The following SLC30A6 variants were observed in gnomAD, a reference collection of about 807,000 sequenced individuals.
SLC30A6 encodes solute carrier family 30 member 6, also known as zinc transporter 6.
A neutral mutation model predicts 63.0 loss-of-function variants in SLC30A6; 55 were observed. That is an observed-to-expected ratio of 0.87 (90% CI 0.70 to 1.09). The LOEUF (loss-of-function observed/expected upper bound fraction) is 1.09. SLC30A6 is among the 50% of genes least tolerant of loss of function. The probability of loss-of-function intolerance (pLI) is 0.00; values close to 1 mark genes in which losing one functional copy is unlikely to be tolerated. For synonymous variants in SLC30A6, 224 were observed against 186.1 expected, an observed-to-expected ratio of 1.20 and a Z score of -1.66; for missense variants, 587 against 549.2, an observed-to-expected ratio of 1.07 and a Z score of -0.69.
At chr2:32,190,705 A>C (rs1426953823) in intron 5 of SLC30A6, among the ~76,000 whole-genome samples, 1 of 151,922 alleles carries the variant, frequency 6.6e-6, no homozygotes. Flanking sequence ...GCTCACTTCA[A>C]CCTCCATCTC....
intron 10 of SLC30A6, among the ~76,000 whole-genome samples, chr2:32,200,607 A>G (rs1171659562): frequency 4.6e-5 from 7 of 151,058 alleles, no homozygotes; most frequent in Non-Finnish European, 7.4e-5. Context: ...GGTTAAATGG[A>G]TTAAGGGCGG....
intron 12 of SLC30A6, among the ~76,000 whole-genome samples, chr2:32,207,626 C>T (rs751279421): frequency 5.0e-4 from 76 of 151,292 alleles, no homozygotes; most frequent in Middle Eastern, 3.4e-3. Flanking sequence ...CCACCCGCCT[C>T]GGCCTCCCAA....
At chr2:32,180,206 A>G (rs566003808) in intron 4 of SLC30A6, among the ~76,000 whole-genome samples, 6 of 152,248 alleles carry the variant, frequency 3.9e-5, no homozygotes, top group African/African-American at 1.4e-4. Flanking sequence ...GTTCAAGACC[A>G]GCCTGGGCAA....
At position 32,187,085 on chromosome 2, in the gene SLC30A6, T is replaced by G. The variant is rs114670458; in HGVS notation, c.284+2747T>G. The G allele has an allele frequency of 2.5e-3, 1,140 of 451,086 alleles. 14 individuals carry two copies. Among genetic ancestry groups the G allele is most frequent in the African/African-American group, 0.021 (1,028 of 49,610 alleles). The allele number at this position is 451,086 out of a possible 1,614,324, so 27.9% of individuals were successfully genotyped here. On this transcript the variant is annotated intron_variant, in intron 5 of 13. Transcript: ENST00000282587. ...TTTACAATTTATGTAACCAAACTAC[T>G]GTGGGAAGACAGTAACTGGCGCAGG...
intron 13 of SLC30A6, among the ~76,000 whole-genome samples, chr2:32,210,096 C>T (rs540331852): frequency 2.0e-5 from 3 of 152,176 alleles, no homozygotes; most frequent in Admixed American, 6.5e-5. Flanking sequence ...TATTATGACA[C>T]GGTTTTACTC....
intron 12 of SLC30A6, among the ~76,000 whole-genome samples, chr2:32,208,037 T>C (rs925950643): frequency 2.2e-4 from 33 of 151,840 alleles, no homozygotes; most frequent in Non-Finnish European, 4.1e-4. Flanking sequence ...TTTCACCATG[T>C]TGGCCAAGAT....
chr2:32,203,434 C>T, intron 10 of SLC30A6: 2 of 1,488,370 alleles, frequency 1.3e-6, no homozygotes, highest in Non-Finnish European at 1.9e-6. Context: ...TTGATTTTTT[C>T]CAACCATCAG....
intron 13 of SLC30A6, among the ~76,000 whole-genome samples, chr2:32,215,903 G>C (rs2148909176): frequency 6.6e-6 from 1 of 151,988 alleles, no homozygotes; most frequent in South Asian, 2.1e-4. Flanking sequence ...ATGTGGTCCA[G>C]GCTGGTCTCA....
At chr2:32,189,500 T>C (rs568821476) in intron 5 of SLC30A6, among the ~76,000 whole-genome samples, 3 of 151,588 alleles carry the variant, frequency 2.0e-5, no homozygotes, top group African/African-American at 7.3e-5. Context: ...TTCCACCATG[T>C]TGGCCAGGCT....
intron 10 of SLC30A6, among the ~76,000 whole-genome samples, chr2:32,199,559 C>G (rs899134218): frequency 1.3e-5 from 2 of 152,004 alleles, no homozygotes; most frequent in Admixed American, 1.3e-4. Context: ...TCTTTGTGTT[C>G]TAATTATGCT....
intron 4 of SLC30A6, among the ~76,000 whole-genome samples, chr2:32,176,809 G>C (rs563907153): frequency 6.7e-6 from 1 of 149,296 alleles, no homozygotes; most frequent in Admixed American, 6.7e-5. Flanking sequence ...ATCTTACTCT[G>C]TCACCCAGGC....
rs752606598 is a variant in SLC30A6 at position 32,220,677 on chromosome 2, T to C, written c.1350T>C (p.Tyr450=). The change falls in exon 14 of 14, where the codon TAT becomes TAC. Residue 450 remains tyrosine (Y), a synonymous_variant. Transcript: ENST00000282587. ...RTGFTNIPSR[Y]GTNNRIGQPR... is the part of the protein sequence containing the mutation. ...GTTTTACAAATATACCAAGTAGATA[T>C]GGAACTAATAATAGAATTGGACAAC... 8.1e-6 allele frequency: 13 copies of C among 1,613,850 alleles called. No homozygotes were observed. The highest frequency in any genetic ancestry group is 6.7e-5 in the Admixed American group (4 of 59,994).
rs1036287819 is a variant in SLC30A6, at chr2:32,207,016, C to G, written c.816+83C>G. Reference sequence around the variant, plus strand: ...GATACTTTTAATACTTTATTCAACTCTACCTAGAATTTTATTTGAGGGAAG... The same window carrying G: ...GATACTTTTAATACTTTATTCAACTGTACCTAGAATTTTATTTGAGGGAAG... On this transcript the variant is annotated intron_variant, in intron 12 of 13. Coordinates refer to ENST00000282587, the MANE Select transcript of SLC30A6 (RefSeq NM_017964.5). 5 of 1,134,348 alleles carry G rather than the reference C, an allele frequency of 4.4e-6. No individual in the cohort carries two copies. In the African/African-American group the frequency reaches 7.8e-5, roughly 18 times the overall value. 70.3% of individuals were successfully genotyped at this position (1,134,348 alleles called of 1,614,324 possible).
intron 1 of SLC30A6, among the ~76,000 whole-genome samples, chr2:32,168,474 G>C (rs1024647842): frequency 2.0e-5 from 3 of 150,486 alleles, no homozygotes; most frequent in Non-Finnish European, 4.4e-5. Flanking sequence ...AAAATATAAA[G>C]GAAAATAGCC....
At chr2:32,210,942 A>G (rs1028318605) in intron 13 of SLC30A6, among the ~76,000 whole-genome samples, 3 of 152,210 alleles carry the variant, frequency 2.0e-5, no homozygotes, top group Non-Finnish European at 4.4e-5. Context: ...TGACTTGGAC[A>G]GGTCCAGCAT....
Position 32,173,919 on chromosome 2 carries a change from G to A in SLC30A6, c.91-144G>A. Reference sequence around the variant, plus strand: ...AATAACTTAGCCGATGACAATTTTGGTAGATGTAGAAAGTGTGACACAGAC... The same window carrying A: ...AATAACTTAGCCGATGACAATTTTGATAGATGTAGAAAGTGTGACACAGAC... On this transcript the variant is annotated intron_variant, in intron 2 of 13. Coordinates refer to ENST00000282587, the MANE Select transcript of SLC30A6 (RefSeq NM_017964.5). 7.7e-6 allele frequency: 4 copies of A among 521,100 alleles called. No homozygotes were observed. In the South Asian group the frequency reaches 1.2e-4, roughly 15 times the overall value. The allele number at this position is 521,100 out of a possible 1,614,324, so 32.3% of individuals were successfully genotyped here.
At chr2:32,177,051 G>A (rs1437391935) in intron 4 of SLC30A6, among the ~76,000 whole-genome samples, 1 of 151,810 alleles carries the variant, frequency 6.6e-6, no homozygotes, top group African/African-American at 2.4e-5. Flanking sequence ...GGGATTACAG[G>A]TGTGAGCCAC....
At chr2:32,216,932 A>T (rs113756644) in intron 13 of SLC30A6, among the ~76,000 whole-genome samples, 1 of 151,700 alleles carries the variant, frequency 6.6e-6, no homozygotes, top group African/African-American at 2.4e-5. Flanking sequence ...TCTGTCACCC[A>T]GGCTGGAGTG....
chr2:32,186,996 CAAA>C (rs760128005), intron 5 of SLC30A6, among the ~76,000 whole-genome samples: 72 of 51,308 alleles, frequency 1.4e-3, no homozygotes, highest in African/African-American at 4.3e-3. Context: ...ACGCTGTCTC[CAAA>C]AAAAAAAAAA....
Sources: gnomAD v4.1 joint callset for allele counts (sites outside exome capture counted in the v4.1 genomes callset) on GRCh38, gnomAD v4.1.1 for gene constraint, MANE v1.5 for transcripts, NCBI Gene and HGNC (gene_info 2026-07-23, HGNC 2026-07-21) for gene names.